Variants in DUOX2 observed in about 807,000 individuals in gnomAD.
DUOX2 encodes the protein NADH/NADPH thyroid oxidase p138-tox.
A neutral mutation model predicts 183.3 loss-of-function variants in DUOX2; 185 were observed. The ratio of observed to expected loss-of-function variants is 1.01; its 90% CI spans 0.90 to 1.14. DUOX2 has a LOEUF of 1.14. Ranked by LOEUF, DUOX2 falls within the 50% of genes most tolerant of loss-of-function variation. The probability of loss-of-function intolerance (pLI) is 0.00; values close to 1 mark genes in which losing one functional copy is unlikely to be tolerated. For synonymous variants in DUOX2, 788 were observed against 812.4 expected, an observed-to-expected ratio of 0.97 and a Z score of 0.51; for missense variants, 1,999 against 2,022.9, an observed-to-expected ratio of 0.99 and a Z score of 0.23.
chr15:45,102,329 G>C (rs1894105478), intron 20 of DUOX2, among the ~76,000 whole-genome samples: 2 of 152,204 alleles, frequency 1.3e-5, no homozygotes. Flanking sequence ...CTCTTCTGTT[G>C]ATGCCTCCCA....
At chr15:45,096,996 G>A (rs893341036) in intron 29 of DUOX2, among the ~76,000 whole-genome samples, 4 of 152,202 alleles carry the variant, frequency 2.6e-5, no homozygotes, top group African/African-American at 9.7e-5. Flanking sequence ...TGCACGTTCA[G>A]CCACCTCTTC....
Position 45,099,657 on chromosome 15 carries a change from C to T in DUOX2, c.3415+5G>A, listed in dbSNP as rs370794299. Reference sequence around the variant, plus strand: ...CAAAGAGGAAGAAGCCTGGGAGTCACGTACTGGCCAGGACAACAGCAGCCA... The same window carrying T: ...CAAAGAGGAAGAAGCCTGGGAGTCATGTACTGGCCAGGACAACAGCAGCCA... On this transcript the variant is annotated splice_donor_5th_base_variant and intron_variant, in intron 25 of 33. Coordinates refer to ENST00000389039, the MANE Select transcript of DUOX2 (RefSeq NM_001363711.2). 1.7e-5 allele frequency: 28 copies of T among 1,614,100 alleles called. No homozygotes were observed. Among genetic ancestry groups the T allele is most frequent in the African/African-American group, 9.3e-5 (7 of 75,010 alleles).
At chr15:45,102,988 C>G (rs1894120704) in intron 20 of DUOX2, among the ~76,000 whole-genome samples, 1 of 152,074 alleles carries the variant, frequency 6.6e-6, no homozygotes, top group Admixed American at 6.5e-5. Flanking sequence ...TCAAAACAAA[C>G]AAACAAACAA....
chr15:45,112,897 G>T (rs1268727090), intron 3 of DUOX2, 90 bp downstream of exon 3: 11 of 1,553,030 alleles, frequency 7.1e-6, no homozygotes, highest in Non-Finnish European at 9.7e-6. Flanking sequence ...TGCTGGGCGC[G>T]TGTTCCCCGC....
chr15:45,110,307 A>G, intron 9 of DUOX2, 121 bp downstream of exon 9: 3 of 984,282 alleles, frequency 3.0e-6, no homozygotes, highest in Non-Finnish European at 3.0e-6. Flanking sequence ...TCAGGGCCCC[A>G]AATTTTTGCT....
rs1893827094 is a variant in DUOX2, at chr15:45,094,014, T to A, written c.*136A>T. On this transcript the variant is annotated 3_prime_UTR_variant, in exon 34 of 34. Coordinates refer to ENST00000389039, the MANE Select transcript of DUOX2 (RefSeq NM_001363711.2). ...ATTGTCTGGGTCAATATTCTCCCAA[T>A]ATTGGGAGGGGCTCTGCAGCCCTCC... The A allele has an allele frequency of 8.6e-7, 1 of 1,157,986 alleles. No individual in the cohort carries two copies. Among genetic ancestry groups the A allele is most frequent in the African/African-American group, 1.5e-5 (1 of 65,452 alleles). The allele number at this position is 1,157,986 out of a possible 1,614,324, so 71.7% of individuals were successfully genotyped here.
intron 15 of DUOX2, 48 bp from the exon 16 acceptor site, chr15:45,106,689 G>A (rs907937674): frequency 6.2e-7 from 1 of 1,610,052 alleles, no homozygotes; most frequent in East Asian, 2.2e-5. Flanking sequence ...CTCACCTAGA[G>A]CTCCACTGTG....
At position 45,097,676 on chromosome 15, in the gene DUOX2, G is replaced by T; in HGVS notation, c.3631C>A (p.Arg1211Ser). ...CAGAAGCCCCGGAAGCTGCGGCGGCGGAAGTGGTGGGAGGCGAAGACATAC... is the reference window on the plus strand; with the variant it reads ...CAGAAGCCCCGGAAGCTGCGGCGGCTGAAGTGGTGGGAGGCGAAGACATAC... ...IMYVFASHHFRRRSFRGFWLT... is the reference protein window; with the variant it reads ...IMYVFASHHFSRRSFRGFWLT... The change falls in exon 28 of 34, where the codon CGC becomes AGC. Residue 1211 changes from arginine to serine, a missense_variant. Physicochemically the swap from Arg to Ser is moderately radical, Grantham distance 110. Around this residue, in one of 3 missense-constraint regions of DUOX2, gnomAD observed 1,628 missense variants for 1,608.6 expected, o/e 1.01. Coordinates refer to ENST00000389039, the MANE Select transcript of DUOX2 (RefSeq NM_001363711.2). 1 of 1,614,210 alleles carries T rather than the reference G, an allele frequency of 6.2e-7. No individual in the cohort carries two copies. Among genetic ancestry groups the T allele is most frequent in the South Asian group, 1.1e-5 (1 of 91,086 alleles).
Position 45,101,981 on chromosome 15 carries a change from A to T in DUOX2, c.2663T>A (p.Ile888Asn). The change falls in exon 21 of 34, where the codon ATC becomes AAC. Residue 888 changes from isoleucine (I) to asparagine (N), a missense_variant. Physicochemically the swap from Ile to Asn is moderately radical, Grantham distance 149. Transcript: ENST00000389039. Reference sequence around the variant, plus strand: ...GGACAGGCAGTTGTTGGAGATCTCGATGAAGGATCTGGAGGAGGACCAGAG... The same window carrying T: ...GGACAGGCAGTTGTTGGAGATCTCGTTGAAGGATCTGGAGGAGGACCAGAG... Reference protein sequence around the residue: ...DEFFTMMRSFIEISNNCLSKA... With the variant: ...DEFFTMMRSFNEISNNCLSKA... 6.2e-7 allele frequency: 1 copy of T among 1,614,088 alleles called. No individual in the cohort carries two copies. The highest frequency in any genetic ancestry group is 1.1e-5 in the South Asian group (1 of 91,066).
In DUOX2 at chr15:45,095,588, A is replaced by G. The variant is rs767102567; in HGVS notation, c.4088T>C (p.Leu1363Pro). 8 of 1,614,096 alleles carry G rather than the reference A, an allele frequency of 5.0e-6. No homozygotes were observed. The highest frequency in any genetic ancestry group is 6.8e-6 in the Non-Finnish European group (8 of 1,180,036). Residue 1363 changes from leucine to proline, a missense_variant, in exon 31 of 34, where the codon CTT becomes CCT. Physicochemically the swap from Leu to Pro is moderately conservative, Grantham distance 98 (BLOSUM62 -3). This residue lies in a region of DUOX2 where 1,628 missense variants were observed against 1,608.6 expected (regional missense o/e 1.01). Coordinates refer to ENST00000389039, the MANE Select transcript of DUOX2 (RefSeq NM_001363711.2). Reference sequence around the variant, plus strand: ...ATGGCCCTCTCCAAACGGTCCATCAAGGTACAGCTGCCAAGAGAGGGGGGA... The same window carrying G: ...ATGGCCCTCTCCAAACGGTCCATCAGGGTACAGCTGCCAAGAGAGGGGGGA... ...NGCAGYPKLYLDGPFGEGHQE... is the reference protein window; with the variant it reads ...NGCAGYPKLYPDGPFGEGHQE...
In DUOX2 at chr15:45,100,094, A is replaced by T. The variant is rs1055405342; in HGVS notation, c.3140T>A (p.Ile1047Asn). The change falls in exon 24 of 34, where the codon ATC (isoleucine) becomes AAC (asparagine). Residue 1047 changes from isoleucine to asparagine, a missense_variant. Ile to Asn is a moderately radical substitution (Grantham distance 149, BLOSUM62 -3). Transcript: ENST00000389039. Reference sequence around the variant, plus strand: ...CACGCCAACACAGATGGCCGAGAAGATTGCCACACACACGATGTGCCTCCG... The same window carrying T: ...CACGCCAACACAGATGGCCGAGAAGTTTGCCACACACACGATGTGCCTCCG... ...NYRRHIVCVA[I>N]FSAICVGVFA... 3.1e-6 allele frequency: 5 copies of T among 1,614,060 alleles called. No homozygotes were observed. The highest frequency in any genetic ancestry group is 1.7e-5 in the Admixed American group (1 of 60,008).
intron 5 of DUOX2, 46 bp downstream of exon 5, chr15:45,111,722 C>A (rs1435872677): frequency 6.7e-7 from 1 of 1,494,832 alleles, no homozygotes; most frequent in Non-Finnish European, 8.9e-7. Context: ...GCCCAGGCCC[C>A]ACCTGGCTGG....
intron 22 of DUOX2, 141 bp from the exon 23 acceptor site, chr15:45,100,979 C>T: frequency 1.4e-6 from 1 of 692,814 alleles, no homozygotes; most frequent in Non-Finnish European, 2.6e-6. Context: ...AATAGGATCT[C>T]ATGATTTGTT....
Position 45,095,436 on chromosome 15 carries a change from CCTT to C in DUOX2, c.4237_4239del (p.Lys1413del). On this transcript the variant is annotated inframe_deletion and splice_region_variant, in exon 31 of 34. Transcript: ENST00000389039. ...TTGATGAATGAGGGAGGGATGCTCA[CCTT>C]CTTACACAGCATTTGGCTGCCCAAG... 1.2e-6 allele frequency: 2 copies of C among 1,614,244 alleles called. No homozygotes were observed. Among genetic ancestry groups the C allele is most frequent in the Non-Finnish European group, 1.7e-6 (2 of 1,180,056 alleles).
At position 45,099,772 on chromosome 15, in the gene DUOX2, C is replaced by T. The variant is rs762974325; in HGVS notation, c.3305G>A (p.Cys1102Tyr). The T allele has an allele frequency of 1.9e-6, 3 of 1,614,176 alleles. No homozygotes were observed. Among genetic ancestry groups the T allele is most frequent in the Non-Finnish European group, 2.5e-6 (3 of 1,180,040 alleles). The change falls in exon 25 of 34, where the codon TGC becomes TAC. Residue 1102 changes from cysteine to tyrosine, a missense_variant. Physicochemically the swap from Cys to Tyr is radical, Grantham distance 194. This residue lies in a region of DUOX2 where 1,628 missense variants were observed against 1,608.6 expected (regional missense o/e 1.01). Transcript: ENST00000389039. ...TCGCAGGAAGGTTATGAGGTTGCGG[C>T]ACATGGTGAGCAAGATATAAGAGAA... is the stretch of plus-strand genomic sequence containing the variant. ...FMFSYILLTMCRNLITFLRET... is the reference protein window; with the variant it reads ...FMFSYILLTMYRNLITFLRET...
At chr15:45,097,011 GTCACTT>G (rs1448636068) in intron 29 of DUOX2, among the ~76,000 whole-genome samples, 1 of 152,140 alleles carries the variant, frequency 6.6e-6, no homozygotes, top group African/African-American at 2.4e-5. Flanking sequence ...CTCTTCTCAG[GTCACTT>G]CTCACCATCT....
At position 45,110,511 on chromosome 15, in the gene DUOX2, G is replaced by T. The variant is rs368909888; in HGVS notation, c.957C>A (p.Phe319Leu). Residue 319 changes from phenylalanine (F) to leucine (L), a missense_variant, in exon 9 of 34, where the codon TTC becomes TTA. Transcript: ENST00000389039. ...TLPEYTGYRP[F>L]LDPSISPEFV... ...ATTCCGGGGAGATGCTGGGGTCTAG[G>T]AAAGGACGGTATCCTGCAGGAAGGA... The T allele has an allele frequency of 6.2e-7, 1 of 1,614,036 alleles. No individual in the cohort carries two copies. Among genetic ancestry groups the T allele is most frequent in the Non-Finnish European group, 8.5e-7 (1 of 1,180,028 alleles).
At position 45,094,069 on chromosome 15, in the gene DUOX2, G is replaced by C; in HGVS notation, c.*81C>G. On this transcript the variant is annotated 3_prime_UTR_variant, in exon 34 of 34. Coordinates refer to ENST00000389039, the MANE Select transcript of DUOX2 (RefSeq NM_001363711.2). ...GAGGCCTAAGGTGGATTCTGATGGA[G>C]AGATTGCCAGCAGGGCTGGGCAACT... 1.3e-6 allele frequency: 2 copies of C among 1,599,698 alleles called. No individual in the cohort carries two copies. The highest frequency in any genetic ancestry group is 1.7e-5 in the Admixed American group (1 of 59,986).
At position 45,101,823 on chromosome 15, in the gene DUOX2, A is replaced by G; in HGVS notation, c.2821T>C (p.Cys941Arg). 7 of 1,614,162 alleles carry G rather than the reference A, an allele frequency of 4.3e-6. No individual in the cohort carries two copies. Among genetic ancestry groups the G allele is most frequent in the Non-Finnish European group, 5.9e-6 (7 of 1,180,010 alleles). ...CCACCTCCACCTCCACCTTTGACAC[A>G]GAGCTGCGTGAAGCGGAGCTCGCTG... ...HDSELRFTQLCVKGGGGGGNG... is the reference protein window; with the variant it reads ...HDSELRFTQLRVKGGGGGGNG... The change falls in exon 21 of 34, where the codon TGT becomes CGT. Residue 941 changes from cysteine to arginine, a missense_variant. Coordinates refer to ENST00000389039, the MANE Select transcript of DUOX2 (RefSeq NM_001363711.2).
Sources: allele counts gnomAD v4.1 joint callset (sites outside exome capture counted in the v4.1 genomes callset), GRCh38; gene constraint gnomAD v4.1.1; regional missense constraint gnomAD v4.1.1; transcripts MANE v1.5; gene names NCBI Gene and HGNC (gene_info 2026-07-23, HGNC 2026-07-21).